WASF3: variants seen among roughly 807,000 people sequenced by gnomAD.
WASF3 encodes actin-binding protein WASF3.
A neutral mutation model predicts 46.6 loss-of-function variants in WASF3; 11 were observed. The ratio of observed to expected loss-of-function variants is 0.24; its 90% confidence interval spans 0.15 to 0.39. The LOEUF (loss-of-function observed/expected upper bound fraction) is 0.39, where lower values mean the gene tolerates loss of function less well. Ranked by LOEUF, WASF3 falls within the 10% of genes least tolerant of loss-of-function variation. WASF3 has a pLI of 1.00. For synonymous variants in WASF3, 242 were observed against 259.7 expected, an observed-to-expected ratio of 0.93 and a Z score of 0.65; for missense variants, 576 against 669.8, an observed-to-expected ratio of 0.86 and a Z score of 1.55.
intron 1 of WASF3, among the ~76,000 whole-genome samples, chr13:26,567,866 A>G (rs1226239462): frequency 6.6e-6 from 1 of 152,180 alleles, no homozygotes; most frequent in Non-Finnish European, 1.5e-5. Flanking sequence ...AAGAGAGAGA[A>G]TATCAGAGAC....
At chr13:26,609,506 T>C (rs1413571909) in intron 1 of WASF3, 2 of 152,020 alleles carry the variant, frequency 1.3e-5, no homozygotes, top group Non-Finnish European at 2.9e-5. Context: ...TAGGCAGTTA[T>C]TTTTCCTGGC....
chr13:26,640,526 T>G (rs1240488162), intron 2 of WASF3: 1 of 152,040 alleles, frequency 6.6e-6, no homozygotes. Context: ...CTCCTCCTCC[T>G]GAGTAGCTGG....
chr13:26,658,573 C>A (rs1882534259), intron 3 of WASF3, among the ~76,000 whole-genome samples: 1 of 152,222 alleles, frequency 6.6e-6, no homozygotes, highest in African/African-American at 2.4e-5. Context: ...ATCCTTCTAG[C>A]TCCTCATTGC....
chr13:26,588,697 C>T (rs184094752), intron 1 of WASF3, among the ~76,000 whole-genome samples: 8 of 152,230 alleles, frequency 5.3e-5, no homozygotes, highest in Non-Finnish European at 7.4e-5. Context: ...ACCTGTGTCC[C>T]TCCCCATCCT....
chr13:26,553,959 A>G (rs1879024226), upstream of WASF3, among the ~76,000 whole-genome samples: 4 of 152,030 alleles, frequency 2.6e-5, no homozygotes, highest in South Asian at 8.3e-4. Flanking sequence ...TAATATAAAA[A>G]GTCAGGAAAA....
chr13:26,544,694 G>A, the WASF3 span, among the ~76,000 whole-genome samples: 3 of 152,206 alleles, frequency 2.0e-5, no homozygotes, highest in Admixed American at 2.0e-4. Flanking sequence ...TGCTGTATTG[G>A]TCAGAGTAAA....
At chr13:26,645,582 A>G (rs1242452359) in intron 3 of WASF3, among the ~76,000 whole-genome samples, 1 of 152,138 alleles carries the variant, frequency 6.6e-6, no homozygotes, top group African/African-American at 2.4e-5. Flanking sequence ...AGCCTAAAGT[A>G]GTAGTCTTCC....
chr13:26,649,903 C>T (rs1309596306), intron 3 of WASF3, among the ~76,000 whole-genome samples: 1 of 151,444 alleles, frequency 6.6e-6, no homozygotes, highest in African/African-American at 2.4e-5. Context: ...AACCCCGTCT[C>T]TCTAAAAAAA....
chr13:26,647,570 C>G (rs781391591), intron 3 of WASF3, among the ~76,000 whole-genome samples: 1 of 152,004 alleles, frequency 6.6e-6, no homozygotes, highest in Non-Finnish European at 1.5e-5. Flanking sequence ...GATGTAGTTT[C>G]AATATAATTT....
intron 1 of WASF3, among the ~76,000 whole-genome samples, chr13:26,561,681 A>C (rs947880515): frequency 6.6e-6 from 1 of 152,230 alleles, no homozygotes; most frequent in African/African-American, 2.4e-5. Flanking sequence ...TTGTTGAGGA[A>C]AACACATAGT....
chr13:26,678,572 A>G (rs1883133747), intron 7 of WASF3, among the ~76,000 whole-genome samples: 1 of 152,120 alleles, frequency 6.6e-6, no homozygotes, highest in South Asian at 2.1e-4. Flanking sequence ...TGCATCCAAG[A>G]TACTGAGGGA....
At chr13:26,582,982 A>T (rs1880028711) in intron 1 of WASF3, among the ~76,000 whole-genome samples, 2 of 152,350 alleles carry the variant, frequency 1.3e-5, no homozygotes, top group South Asian at 2.1e-4. Context: ...AATAAGAAAG[A>T]TAATGACAGG....
At chr13:26,669,327 T>C (rs1316769022) in intron 5 of WASF3, among the ~76,000 whole-genome samples, 1 of 126,924 alleles carries the variant, frequency 7.9e-6, no homozygotes, top group African/African-American at 3.3e-5. Flanking sequence ...TTCTCCTGCC[T>C]CAGCCTCCTG....
chr13:26,616,363 T>G (rs1316240158), intron 2 of WASF3, among the ~76,000 whole-genome samples: 1 of 152,214 alleles, frequency 6.6e-6, no homozygotes, highest in Non-Finnish European at 1.5e-5. Flanking sequence ...TGACTAATGC[T>G]GTTGAGCATT....
At chr13:26,601,868 A>G (rs1880651948) in intron 1 of WASF3, among the ~76,000 whole-genome samples, 1 of 152,240 alleles carries the variant, frequency 6.6e-6, no homozygotes, top group South Asian at 2.1e-4. Context: ...GCATACACAA[A>G]TGCAAAGATA....
At chr13:26,551,484 T>C in the WASF3 span, among the ~76,000 whole-genome samples, 6 of 152,210 alleles carry the variant, frequency 3.9e-5, no homozygotes, top group Admixed American at 1.3e-4. Flanking sequence ...GCTCTATGCC[T>C]AGTAAGTGTT....
chr13:26,610,106 C>T (rs1397295256), intron 1 of WASF3, among the ~76,000 whole-genome samples: 1 of 152,198 alleles, frequency 6.6e-6, no homozygotes, highest in African/African-American at 2.4e-5. Context: ...GACAGCACTA[C>T]CTCAGAGCAC....
chr13:26,683,261 C>T (rs564498408), intron 9 of WASF3, among the ~76,000 whole-genome samples: 2 of 152,114 alleles, frequency 1.3e-5, no homozygotes, highest in South Asian at 4.2e-4. Context: ...TGCTTGAGCC[C>T]AGGAGTTTGA....
rs956779236 is a variant in WASF3, at chr13:26,616,550, T to G, written c.-11+3492T>G. ...AGTTTTATTCATTTTAATAGCATTT[T>G]TTTTCCTTTTTACCCCAGAATGAAA... On this transcript the variant is annotated intron_variant, in intron 2 of 9. Coordinates refer to ENST00000335327, the MANE Select transcript of WASF3 (RefSeq NM_006646.6). 4.8e-4 allele frequency among the ~76,000 whole-genome samples: 73 copies of G among 152,208 alleles called. 1 individual carries two copies.
Sources: allele counts gnomAD v4.1 joint callset (sites outside exome capture counted in the v4.1 genomes callset), GRCh38; gene constraint gnomAD v4.1.1; transcripts MANE v1.5; gene names NCBI Gene and HGNC (gene_info 2026-07-23, HGNC 2026-07-21).